Variants in DNAH5 observed in about 807,000 individuals in gnomAD.
DNAH5 encodes dynein axonemal heavy chain 5.
A neutral mutation model predicts 518.2 loss-of-function variants in DNAH5; 372 were observed. The observed-to-expected ratio is 0.72, with a 90% CI of 0.66 to 0.78. The LOEUF (loss-of-function observed/expected upper bound fraction) is 0.78. Among genes scored for constraint, DNAH5 ranks in the 30% least tolerant of loss-of-function variants. DNAH5 has a pLI of 0.00. For missense variants in DNAH5, 5,523 were observed against 5,687.0 expected, an observed-to-expected ratio of 0.97 and a Z score of 0.93; for synonymous variants, 2,039 against 2,025.9, an observed-to-expected ratio of 1.01 and a Z score of -0.17.
At chr5:13,823,796 A>G (rs1159316923) in intron 39 of DNAH5, among the ~76,000 whole-genome samples, 3 of 152,246 alleles carry the variant, frequency 2.0e-5, no homozygotes, top group Admixed American at 1.3e-4. Flanking sequence ...AGATCCACGG[A>G]TAGTGGGCAT....
Position 13,766,611 on chromosome 5 carries a change from T to G in DNAH5, c.9898-432A>C, listed in dbSNP as rs75893638. ...CCTCTCTCTCTTAAACAATTCAGGC[T>G]CGTCACTGTGGACTGACACCAGAGG... On this transcript the variant is annotated intron_variant, in intron 58 of 78. Transcript: ENST00000265104. Among the ~76,000 whole-genome samples, 678 of 152,324 alleles carry G rather than the reference T, an allele frequency of 4.5e-3. 9 individuals are homozygous for G. The highest frequency in any genetic ancestry group is 0.014 in the African/African-American group (589 of 41,560).
intron 47 of DNAH5, among the ~76,000 whole-genome samples, chr5:13,801,807 C>G (rs1758798620): frequency 6.6e-6 from 1 of 152,120 alleles, no homozygotes; most frequent in African/African-American, 2.4e-5. Flanking sequence ...TTCTCACTGT[C>G]TTTGTTCTGG....
intron 1 of DNAH5, among the ~76,000 whole-genome samples, chr5:13,941,474 G>T (rs1348846736): frequency 1.3e-5 from 2 of 152,304 alleles, no homozygotes; most frequent in Admixed American, 1.3e-4. Flanking sequence ...TGTGAAATTT[G>T]TTGACTTGGC....
At chr5:13,748,075 C>A (rs1247926528) in intron 65 of DNAH5, among the ~76,000 whole-genome samples, 1 of 152,136 alleles carries the variant, frequency 6.6e-6, no homozygotes, top group African/African-American at 2.4e-5. Context: ...AGGAAGGGAT[C>A]CAGTTTCAGC....
intron 1 of DNAH5, among the ~76,000 whole-genome samples, chr5:13,972,694 G>A (rs1268712905): frequency 2.0e-5 from 3 of 152,148 alleles, no homozygotes; most frequent in Non-Finnish European, 4.4e-5. Context: ...GCTGTCTCAT[G>A]GGGCCGGCAG....
Position 13,824,250 on chromosome 5 carries a change from C to A in DNAH5, c.6528G>T (p.Thr2176=), listed in dbSNP as rs768101989. 4.9e-5 allele frequency: 79 copies of A among 1,613,908 alleles called. No homozygotes were observed. The Admixed American group carries it at 6.5e-4, about 13-fold the overall frequency. The change falls in exon 39 of 79, where the codon ACG becomes ACT. Residue 2176 remains threonine, a synonymous_variant. Transcript: ENST00000265104. The part of the protein sequence containing the change: ...GAAKRANPMD[T]ESTIVMRVLR... ...GTACACGCATGACAATCGTGGACTCCGTATCCATTGGATTGGCTCTTTTTG... is the reference window on the plus strand; with the variant it reads ...GTACACGCATGACAATCGTGGACTCAGTATCCATTGGATTGGCTCTTTTTG...
chr5:13,793,223 G>A (rs1333601350), intron 49 of DNAH5, among the ~76,000 whole-genome samples: 1 of 152,118 alleles, frequency 6.6e-6, no homozygotes, highest in Non-Finnish European at 1.5e-5. Flanking sequence ...CTCATGTATG[G>A]GGAAACAATT....
At chr5:13,846,508 C>A (rs925410435) in intron 31 of DNAH5, among the ~76,000 whole-genome samples, 1 of 152,126 alleles carries the variant, frequency 6.6e-6, no homozygotes, top group Non-Finnish European at 1.5e-5. Context: ...GTTCACGATT[C>A]GTCAACTGCT....
intron 22 of DNAH5, among the ~76,000 whole-genome samples, chr5:13,873,806 A>T (rs1770487998): frequency 6.6e-6 from 1 of 152,110 alleles, no homozygotes; most frequent in African/African-American, 2.4e-5. Flanking sequence ...TAGCCAAAAA[A>T]TTTGTCTCTT....
Position 13,922,220 on chromosome 5 carries a change from A to G in DNAH5, c.547T>C (p.Trp183Arg). ...IPALRATSHG[W>R]GELEGLQDAA... Reference sequence around the variant, plus strand: ...TCCTGAAGGCCCTCGAGCTCGCCCCAGCCATGGCTCGTGGCTCTGAGAGCA... The same window carrying G: ...TCCTGAAGGCCCTCGAGCTCGCCCCGGCCATGGCTCGTGGCTCTGAGAGCA... Residue 183 changes from tryptophan (W) to arginine (R), a missense_variant, in exon 5 of 79, where the codon TGG becomes CGG. Physicochemically the swap from Trp to Arg is moderately radical, Grantham distance 101. Transcript: ENST00000265104. 8 of 1,613,990 alleles carry G rather than the reference A, an allele frequency of 5.0e-6. No homozygotes were observed. Among genetic ancestry groups the G allele is most frequent in the Non-Finnish European group, 6.8e-6 (8 of 1,179,976 alleles).
intron 11 of DNAH5, among the ~76,000 whole-genome samples, chr5:13,912,511 G>T (rs570404377): frequency 4.0e-4 from 61 of 151,544 alleles, no homozygotes; most frequent in African/African-American, 1.4e-3. Context: ...TGCATGGAAT[G>T]ATACAATGTC....
At chr5:13,692,512 C>T (rs1490092707) in intron 78 of DNAH5, among the ~76,000 whole-genome samples, 6 of 152,192 alleles carry the variant, frequency 3.9e-5, no homozygotes, top group Non-Finnish European at 5.9e-5. Flanking sequence ...TTTACTCAGG[C>T]ATCCAGCACC....
rs769811401 is a variant in DNAH5, at chr5:13,752,122, G to A, written c.11028+12C>T. ...ATTGTTCTGCACATTGTCATCCATA[G>A]GTTTAACCTACCTTAAAGGTAGACC... is the stretch of plus-strand genomic sequence containing the variant. On this transcript the variant is annotated intron_variant, in intron 64 of 78. Coordinates refer to ENST00000265104, the MANE Select transcript of DNAH5 (RefSeq NM_001369.3). The A allele has an allele frequency of 1.2e-6, 2 of 1,613,488 alleles. No individual in the cohort carries two copies. Among genetic ancestry groups the A allele is most frequent in the Non-Finnish European group, 1.7e-6 (2 of 1,179,564 alleles).
At chr5:13,793,404 A>C in intron 49 of DNAH5, 111 bp downstream of exon 49, 1 of 870,734 alleles carries the variant, frequency 1.1e-6, no homozygotes, top group Non-Finnish European at 1.9e-6. Context: ...GCTGTAGACC[A>C]AGGAGCCACC....
At chr5:13,892,071 C>T (rs1167072054) in intron 16 of DNAH5, among the ~76,000 whole-genome samples, 1 of 151,120 alleles carries the variant, frequency 6.6e-6, no homozygotes, top group Non-Finnish European at 1.5e-5. Context: ...TAAATAAATA[C>T]CTTTATTTCC....
chr5:13,911,491 G>A lies in DNAH5; in HGVS notation c.1539C>T (p.Gly513=), dbSNP rs778297786. ...CCTTTTTCTTTATGGTTGCCACAAT[G>A]CCCTGAAATATTATGAGATAAATTA... The part of the protein sequence containing the change: ...GLEDMATKYQ[G]IVATIKKKEY... Residue 513 remains glycine, a splice_region_variant and synonymous_variant, in exon 12 of 79, where the codon GGC becomes GGT. Coordinates refer to ENST00000265104, the MANE Select transcript of DNAH5 (RefSeq NM_001369.3). 3.7e-6 allele frequency: 6 copies of A among 1,609,010 alleles called. No individual in the cohort carries two copies. The Admixed American group carries it at 5.0e-5, about 13-fold the overall frequency.
intron 35 of DNAH5, among the ~76,000 whole-genome samples, chr5:13,836,700 T>C (rs893387958): frequency 6.6e-6 from 1 of 152,242 alleles, no homozygotes; most frequent in African/African-American, 2.4e-5. Context: ...CTCTGCAACC[T>C]GCAATCTGTA....
At chr5:13,941,969 A>G (rs899196806) in intron 1 of DNAH5, among the ~76,000 whole-genome samples, 40 of 152,192 alleles carry the variant, frequency 2.6e-4, no homozygotes, top group Admixed American at 2.2e-3. Flanking sequence ...CTTCAGTTTC[A>G]TTTTGGGGAA....
At chr5:13,992,238 G>A (rs971088285) in intron 1 of DNAH5, among the ~76,000 whole-genome samples, 1 of 152,108 alleles carries the variant, frequency 6.6e-6, no homozygotes, top group Non-Finnish European at 1.5e-5. Context: ...TGCCTCAATT[G>A]ACTGATTCTT....
Sources: gnomAD v4.1 joint callset for allele counts (sites outside exome capture counted in the v4.1 genomes callset) on GRCh38, gnomAD v4.1.1 for gene constraint, MANE v1.5 for transcripts, NCBI Gene and HGNC (gene_info 2026-07-23, HGNC 2026-07-21) for gene names.